Variants in SCN3A observed in about 807,000 individuals in gnomAD.
The protein encoded by SCN3A is sodium channel protein type 3 subunit alpha.
Under a neutral mutation model 187.6 loss-of-function variants are expected in SCN3A, and 60 were observed. The ratio of observed to expected loss-of-function variants is 0.32; its 90% CI spans 0.26 to 0.40. SCN3A has a LOEUF of 0.40. SCN3A is among the 10% of genes least tolerant of loss of function. SCN3A has a pLI of 1.00. For synonymous variants in SCN3A, 788 were observed against 829.2 expected, an observed-to-expected ratio of 0.95 and a Z score of 0.85; for missense variants, 1,601 against 2,428.2, an observed-to-expected ratio of 0.66 and a Z score of 7.16.
chr2:165,096,331 G>A (rs1685363103), intron 24 of SCN3A, 136 bp downstream of exon 24: 2 of 681,044 alleles, frequency 2.9e-6, no homozygotes, highest in Non-Finnish European at 5.2e-6. Context: ...CATCTATATT[G>A]AAGCAGACTG....
chr2:165,149,124 G>T (rs1381278147), intron 11 of SCN3A, among the ~76,000 whole-genome samples: 1 of 151,826 alleles, frequency 6.6e-6, no homozygotes, highest in Non-Finnish European at 1.5e-5. Flanking sequence ...GGAAGTGGTG[G>T]TAATAGTCCC....
chr2:165,149,468 C>A (rs1029763565), intron 11 of SCN3A, among the ~76,000 whole-genome samples: 8 of 152,228 alleles, frequency 5.3e-5, no homozygotes, highest in African/African-American at 1.9e-4. Flanking sequence ...AGCCACCGCA[C>A]CCGGCCACAA....
chr2:165,192,751 T>C (rs1691694180), intron 1 of SCN3A, among the ~76,000 whole-genome samples: 1 of 152,174 alleles, frequency 6.6e-6, no homozygotes, highest in Admixed American at 6.6e-5. Flanking sequence ...ACAGTAATTA[T>C]ATATATTCTA....
Position 165,140,654 on chromosome 2 carries a change from T to TG in SCN3A, c.2015dup (p.Glu673ArgfsTer48). ...CAGCTAGGTCATCTATTATCACCTCTGGGGGAAGTTGTCCAGTAGGTGACG... is the reference window on the plus strand; with the variant it reads ...CAGCTAGGTCATCTATTATCACCTCTGGGGGGAAGTTGTCCAGTAGGTGACG... On this transcript the variant is annotated frameshift_variant, in exon 13 of 28. Transcript: ENST00000283254. LOFTEE classifies it high-confidence loss of function. The surrounding 1 kb of genome is among the most constrained non-coding windows in gnomAD (Gnocchi z 4.2). The TG allele has an allele frequency of 6.2e-7, 1 of 1,613,090 alleles. No homozygotes were observed. Among genetic ancestry groups the TG allele is most frequent in the African/African-American group, 1.3e-5 (1 of 75,012 alleles).
In SCN3A at chr2:165,139,505, A is replaced by G; in HGVS notation, c.2123T>C (p.Ile708Thr). 6.2e-7 allele frequency: 1 copy of G among 1,613,964 alleles called. No homozygotes were observed. Among genetic ancestry groups the G allele is most frequent in the Non-Finnish European group, 8.5e-7 (1 of 1,179,896 alleles). ...CATTGTGTTGGTCAGAATGCTGGCT[A>G]TGCTCACGGCTCTTTGCCTTCCAGA... ...DSSGRQRAVS[I>T]ASILTNTMEE... Residue 708 changes from isoleucine (I) to threonine (T), a missense_variant, in exon 14 of 28, where the codon ATA (isoleucine) becomes ACA (threonine). Around this residue, in one of 11 missense-constraint regions of SCN3A, gnomAD observed 376 missense variants for 476.0 expected, o/e 0.79. Transcript: ENST00000283254.
chr2:165,128,182 C>T, intron 17 of SCN3A, 81 bp from the exon 18 acceptor site: 1 of 1,097,558 alleles, frequency 9.1e-7, no homozygotes, highest in Non-Finnish European at 1.3e-6. Context: ...ACTCATAGAT[C>T]TTTGCTAAAA....
intron 18 of SCN3A, chr2:165,119,725 C>G (rs929875443): frequency 2.6e-5 from 4 of 151,970 alleles, no homozygotes; most frequent in Non-Finnish European, 4.4e-5. Context: ...AAGCAAGTGA[C>G]CAATAAATAT....
At chr2:165,191,294 C>T (rs2105969466) in intron 1 of SCN3A, among the ~76,000 whole-genome samples, 1 of 152,134 alleles carries the variant, frequency 6.6e-6, no homozygotes, top group African/African-American at 2.4e-5. Context: ...CCCATATAGC[C>T]TGTTTTTACC....
At chr2:165,185,358 C>T (rs1691165733) in intron 2 of SCN3A, among the ~76,000 whole-genome samples, 1 of 152,154 alleles carries the variant, frequency 6.6e-6, no homozygotes, top group Non-Finnish European at 1.5e-5. Flanking sequence ...CCTTCAAGTC[C>T]CTTGCCCATC....
chr2:165,153,477 G>A (rs949893555), intron 11 of SCN3A, among the ~76,000 whole-genome samples: 2 of 151,932 alleles, frequency 1.3e-5, no homozygotes, highest in African/African-American at 4.8e-5. Flanking sequence ...GCATATATGT[G>A]ATATAGGACT....
chr2:165,193,263 A>C (rs977252559), intron 1 of SCN3A, among the ~76,000 whole-genome samples: 1 of 152,200 alleles, frequency 6.6e-6, no homozygotes, highest in East Asian at 1.9e-4. Flanking sequence ...CTCTGGATCA[A>C]TAGTTTTTCT....
rs756759051 is a variant in SCN3A, at chr2:165,090,133, T to A, written c.*17A>T. ...GGCTGTAAACAATTGATCACAAAGA[T>A]AATTCTTTGTTTCTTTTTACTTTTG... On this transcript the variant is annotated 3_prime_UTR_variant, in exon 28 of 28. Coordinates refer to ENST00000283254, the MANE Select transcript of SCN3A (RefSeq NM_006922.4). This position sits in a 1 kb window ranked among gnomAD's most constrained non-coding sequence, Gnocchi z 4.0. 1 of 1,559,010 alleles carries A rather than the reference T, an allele frequency of 6.4e-7. No individual in the cohort carries two copies. Among genetic ancestry groups the A allele is most frequent in the South Asian group, 1.2e-5 (1 of 85,824 alleles).
chr2:165,196,238 C>T (rs1306149272), intron 1 of SCN3A, among the ~76,000 whole-genome samples: 1 of 151,896 alleles, frequency 6.6e-6, no homozygotes, highest in Non-Finnish European at 1.5e-5. Flanking sequence ...AGGACACAAG[C>T]ACTGTGTCAC....
rs776949572 is a variant in SCN3A at position 165,122,230 on chromosome 2, C to CTTTTTTTTTTTTTTTT, written c.3393+5400_3393+5401insAAAAAAAAAAAAAAAA. ...TTTTTTTTTTCTTTTTTCTTTCTTT[C>CTTTTTTTTTTTTTTTT]TTTTTTTTCTTTTTTTTTTTTTTTA... On this transcript the variant is annotated intron_variant, in intron 18 of 27. Coordinates refer to ENST00000283254, the MANE Select transcript of SCN3A (RefSeq NM_006922.4). 4.4e-5 allele frequency among the ~76,000 whole-genome samples: 5 copies of CTTTTTTTTTTTTTTTT among 113,938 alleles called. 1 individual carries two copies. Among genetic ancestry groups the CTTTTTTTTTTTTTTTT allele is most frequent in the East Asian group, 5.9e-4 (2 of 3,372 alleles). 74.7% of individuals were successfully genotyped at this position (113,938 alleles called of 152,430 possible). A position where few individuals can be genotyped will look rare whatever the true frequency, so the allele number is the denominator to read the frequency against.
At chr2:165,115,412 G>C (rs773927844) in intron 19 of SCN3A, 43 bp downstream of exon 19, 6 of 1,611,966 alleles carry the variant, frequency 3.7e-6, no homozygotes, top group Non-Finnish European at 5.1e-6. Flanking sequence ...TCTCCGTAAA[G>C]AACAAGGGGA....
chr2:165,179,210 C>A (rs1690672068), intron 2 of SCN3A, among the ~76,000 whole-genome samples: 1 of 151,894 alleles, frequency 6.6e-6, no homozygotes, highest in African/African-American at 2.4e-5. Flanking sequence ...ATGAAAAACA[C>A]ACTGCAATTG....
At chr2:165,177,947 A>G (rs1277980796) in intron 2 of SCN3A, among the ~76,000 whole-genome samples, 1 of 152,144 alleles carries the variant, frequency 6.6e-6, no homozygotes, top group Non-Finnish European at 1.5e-5. Context: ...AGTCATGATC[A>G]AAGTCATCTG....
At chr2:165,202,005 A>T (rs1204346851) in intron 1 of SCN3A, among the ~76,000 whole-genome samples, 1 of 152,092 alleles carries the variant, frequency 6.6e-6, no homozygotes, top group Non-Finnish European at 1.5e-5. Context: ...CTAGTAGCAG[A>T]ACATGAACCA....
At chr2:165,139,426 A>G (rs1267603191) in intron 14 of SCN3A, 50 bp downstream of exon 14, 1 of 1,612,554 alleles carries the variant, frequency 6.2e-7, no homozygotes, top group African/African-American at 1.3e-5. Context: ...GGAATAGTTC[A>G]CAAAGCACAT....
Sources: gnomAD v4.1 joint callset for allele counts (sites outside exome capture counted in the v4.1 genomes callset) on GRCh38, gnomAD v4.1.1 for gene constraint, gnomAD v4.1.1 regional missense constraint, Gnocchi (gnomAD v3.1) non-coding constraint, MANE v1.5 for transcripts, NCBI Gene and HGNC (gene_info 2026-07-23, HGNC 2026-07-21) for gene names.